SH3D19: variants seen among roughly 807,000 people sequenced by gnomAD.
SH3D19 encodes the protein SH3 domain-containing protein 19.
In SH3D19, 58 loss-of-function variants were observed where a neutral mutation model predicts 112.1. The ratio of observed to expected loss-of-function variants is 0.52; its 90% confidence interval spans 0.42 to 0.64. The LOEUF is 0.64. Among genes scored for constraint, SH3D19 ranks in the 30% least tolerant of loss-of-function variants. SH3D19 has a pLI of 0.00. For synonymous variants in SH3D19, 391 were observed against 448.5 expected (o/e 0.87, Z 1.62); for missense variants, 1,090 against 1,263.4 (o/e 0.86, Z 2.08).
At chr4:151,228,856 CTT>C (rs60356486) in intron 1 of SH3D19, among the ~76,000 whole-genome samples, 4 of 147,014 alleles carry the variant, frequency 2.7e-5, no homozygotes, top group African/African-American at 1.0e-4. Context: ...TTTTTCTTTT[CTT>C]TTTTTTTTTC....
At chr4:151,162,800 C>A (rs1757388117) in intron 8 of SH3D19, among the ~76,000 whole-genome samples, 2 of 152,072 alleles carry the variant, frequency 1.3e-5, no homozygotes, top group African/African-American at 4.8e-5. Flanking sequence ...ATCTTGAACT[C>A]CTGACCTCAC....
intron 12 of SH3D19, among the ~76,000 whole-genome samples, chr4:151,142,039 C>T (rs1753094814): frequency 6.6e-6 from 1 of 152,164 alleles, no homozygotes; most frequent in Admixed American, 6.5e-5. Flanking sequence ...CAATTCAGAC[C>T]ATACCACTGG....
intron 12 of SH3D19, 156 bp from the exon 13 acceptor site, chr4:151,140,003 G>A (rs985164342): frequency 1.6e-5 from 9 of 553,860 alleles, no homozygotes; most frequent in Non-Finnish European, 2.5e-5. Flanking sequence ...CCAAACAAGG[G>A]AATTATTATC....
chr4:151,162,485 T>C (rs1757325447), intron 8 of SH3D19, among the ~76,000 whole-genome samples: 1 of 152,152 alleles, frequency 6.6e-6, no homozygotes, highest in Non-Finnish European at 1.5e-5. Context: ...TTCCTCAGCA[T>C]ATCCTTTTCA....
chr4:151,154,349 G>A (rs1755667162), intron 9 of SH3D19, among the ~76,000 whole-genome samples: 1 of 150,666 alleles, frequency 6.6e-6, no homozygotes, highest in East Asian at 1.9e-4. Context: ...GGTCAGGCTG[G>A]TCTTGAACTC....
intron 2 of SH3D19, among the ~76,000 whole-genome samples, chr4:151,209,279 G>GT (rs1334284852): frequency 6.8e-6 from 1 of 146,880 alleles, no homozygotes; most frequent in African/African-American, 2.6e-5. Flanking sequence ...AATCGAAAAA[G>GT]TATTTTTTTT....
chr4:151,311,101 A>G (rs1729410944), intron 1 of SH3D19, among the ~76,000 whole-genome samples: 1 of 151,002 alleles, frequency 6.6e-6, no homozygotes, highest in Non-Finnish European at 1.5e-5. Context: ...TCTTTGAGAT[A>G]GGGAGATATA....
intron 12 of SH3D19, among the ~76,000 whole-genome samples, chr4:151,142,191 ACC>A (rs1194012835): frequency 1.3e-5 from 2 of 152,370 alleles, no homozygotes; most frequent in Non-Finnish European, 2.9e-5. Flanking sequence ...TGTGTTAAAT[ACC>A]TTATATGCAT....
intron 14 of SH3D19, 97 bp from the exon 15 acceptor site, chr4:151,135,229 G>C: frequency 1.1e-6 from 1 of 949,916 alleles, no homozygotes; most frequent in East Asian, 2.7e-5. Context: ...GACTGAAATC[G>C]ATCGGTTTAG....
intron 6 of SH3D19, among the ~76,000 whole-genome samples, chr4:151,176,209 T>C (rs1240289676): frequency 6.6e-6 from 1 of 152,232 alleles, no homozygotes; most frequent in African/African-American, 2.4e-5. Context: ...CTTAGCATCC[T>C]ATCAAGTATA....
At chr4:151,253,198 T>C (rs945449964) in intron 1 of SH3D19, among the ~76,000 whole-genome samples, 2 of 152,236 alleles carry the variant, frequency 1.3e-5, no homozygotes, top group East Asian at 3.8e-4. Flanking sequence ...TTCTCACCGC[T>C]GGAGCCCCTC....
chr4:151,122,539 G>T (rs1054033610), intron 19 of SH3D19, among the ~76,000 whole-genome samples: 1 of 78,456 alleles, frequency 1.3e-5, no homozygotes, highest in Non-Finnish European at 3.4e-5. Flanking sequence ...ACACACACAC[G>T]ATTATTTATT....
intron 1 of SH3D19, among the ~76,000 whole-genome samples, chr4:151,294,488 G>C (rs763605680): frequency 2.0e-5 from 3 of 152,228 alleles, no homozygotes; most frequent in Non-Finnish European, 4.4e-5. Flanking sequence ...TCACTACTGG[G>C]TGGATGCACC....
At chr4:151,134,970 A>G in intron 15 of SH3D19, 104 bp downstream of exon 15, 1 of 917,910 alleles carries the variant, frequency 1.1e-6, no homozygotes, top group Non-Finnish European at 1.7e-6. Context: ...TACAGGTCTG[A>G]GCCACCATGC....
intron 19 of SH3D19, among the ~76,000 whole-genome samples, chr4:151,122,945 G>A (rs531577348): frequency 2.7e-5 from 4 of 146,990 alleles, no homozygotes; most frequent in South Asian, 2.3e-4. Flanking sequence ...TCTGCCTCCC[G>A]GGTTCAAACA....
rs948640851 is a variant in SH3D19 at position 151,296,405 on chromosome 4, A to C, written c.112+28836T>G. Among the ~76,000 whole-genome samples the C allele has an allele frequency of 5.9e-5, 9 of 152,328 alleles. No individual in the cohort carries two copies. In the East Asian group the frequency reaches 1.7e-3, roughly 29 times the overall value. ...ACACATTACTGGAGGGAAAAAGATC[A>C]ATAAACATTTGTGTGGGGGAGGGAG... is the stretch of plus-strand genomic sequence containing the variant. On this transcript the variant is annotated intron_variant, in intron 1 of 19. Coordinates refer to ENST00000604030, the MANE Select transcript of SH3D19 (RefSeq NM_001378122.1).
At chr4:151,159,097 C>T (rs961495149) in intron 9 of SH3D19, 143 bp downstream of exon 9, 1 of 468,204 alleles carries the variant, frequency 2.1e-6, no homozygotes, top group Non-Finnish European at 3.7e-6. Flanking sequence ...TATATAAGTA[C>T]ATGGGGCTTA....
intron 10 of SH3D19, among the ~76,000 whole-genome samples, chr4:151,148,411 TTCC>T (rs1754330309): frequency 6.6e-6 from 1 of 152,170 alleles, no homozygotes; most frequent in Non-Finnish European, 1.5e-5. Flanking sequence ...ATGTTCCAGT[TTCC>T]TCTTATCTTG....
chr4:151,239,397 C>T (rs1005158917), intron 1 of SH3D19, among the ~76,000 whole-genome samples: 3 of 151,978 alleles, frequency 2.0e-5, no homozygotes, highest in Non-Finnish European at 4.4e-5. Context: ...AGCTAAAAAG[C>T]CTCTGTGTTG....
Sources: gnomAD v4.1 joint callset for allele counts (sites outside exome capture counted in the v4.1 genomes callset) on GRCh38, gnomAD v4.1.1 for gene constraint, MANE v1.5 for transcripts, NCBI Gene and HGNC (gene_info 2026-07-23, HGNC 2026-07-21) for gene names.